NEK11: variants seen among roughly 807,000 people sequenced by gnomAD.
NEK11 encodes serine/threonine-protein kinase Nek11.
NEK11 carries 72 observed loss-of-function variants against 80.7 expected under a neutral mutation model. That is an observed-to-expected ratio of 0.89 (90% CI 0.74 to 1.08). The LOEUF is 1.08. Among genes scored for constraint, NEK11 ranks in the 50% least tolerant of loss-of-function variants. The probability of loss-of-function intolerance (pLI) is 0.00; values close to 1 mark genes in which losing one functional copy is unlikely to be tolerated. For missense variants in NEK11, 764 were observed against 763.6 expected, an observed-to-expected ratio of 1.00 and a Z score of -0.01; for synonymous variants, 251 against 260.7, an observed-to-expected ratio of 0.96 and a Z score of 0.36.
intron 16 of NEK11, among the ~76,000 whole-genome samples, chr3:131,249,142 T>C (rs367980299): frequency 5.1e-4 from 77 of 151,112 alleles, no homozygotes; most frequent in African/African-American, 1.7e-3. Context: ...AAAGAGAACA[T>C]AAGAGGAGAT....
At chr3:131,083,916 G>T (rs1241028478) in intron 4 of NEK11, among the ~76,000 whole-genome samples, 5 of 152,200 alleles carry the variant, frequency 3.3e-5, no homozygotes, top group African/African-American at 4.8e-5. Context: ...GGAAGGAAAT[G>T]GAACTACTGC....
chr3:131,266,804 C>A (rs2096067640), intron 16 of NEK11, among the ~76,000 whole-genome samples: 1 of 150,882 alleles, frequency 6.6e-6, no homozygotes, highest in African/African-American at 2.4e-5. Context: ...AAGTCTCTCA[C>A]TATTATTGTG....
intron 17 of NEK11, among the ~76,000 whole-genome samples, chr3:131,348,121 C>T (rs1257665050): frequency 1.3e-5 from 2 of 151,982 alleles, no homozygotes; most frequent in Non-Finnish European, 2.9e-5. Flanking sequence ...GTGCAGAAAC[C>T]ATAAGTACAC....
intron 15 of NEK11, among the ~76,000 whole-genome samples, chr3:131,230,702 T>TA (rs2095312493): frequency 6.6e-6 from 1 of 152,182 alleles, no homozygotes; most frequent in South Asian, 2.1e-4. Context: ...GTTGTATATC[T>TA]ATCACATGTT....
chr3:131,176,008 G>C (rs150647041), intron 14 of NEK11, among the ~76,000 whole-genome samples: 1 of 152,302 alleles, frequency 6.6e-6, no homozygotes, highest in East Asian at 1.9e-4. Flanking sequence ...TCCACAAGGA[G>C]TGTTAACAAA....
At chr3:131,046,412 T>C (rs1029073992) in intron 3 of NEK11, among the ~76,000 whole-genome samples, 2 of 152,180 alleles carry the variant, frequency 1.3e-5, no homozygotes, top group Non-Finnish European at 2.9e-5. Context: ...ATTATTTTCT[T>C]TTAGGAGGCT....
At chr3:131,269,169 C>T (rs574865733) in intron 16 of NEK11, among the ~76,000 whole-genome samples, 70 of 152,338 alleles carry the variant, frequency 4.6e-4, no homozygotes, top group Middle Eastern at 6.8e-3. Flanking sequence ...GCTGGCAGTG[C>T]AAATTTCAAG....
intron 14 of NEK11, among the ~76,000 whole-genome samples, chr3:131,223,604 T>C (rs908870471): frequency 5.3e-5 from 8 of 152,258 alleles, no homozygotes; most frequent in Non-Finnish European, 8.8e-5. Context: ...ATTTATGTAT[T>C]GTCTGTTTTC....
At chr3:131,241,343 A>T (rs1003505992) in intron 15 of NEK11, among the ~76,000 whole-genome samples, 3 of 152,174 alleles carry the variant, frequency 2.0e-5, no homozygotes, top group South Asian at 2.1e-4. Context: ...AAAACAAAAT[A>T]AAATGAAAGC....
intron 14 of NEK11, among the ~76,000 whole-genome samples, chr3:131,192,463 G>T (rs1015777804): frequency 2.0e-5 from 3 of 152,090 alleles, no homozygotes; most frequent in African/African-American, 7.2e-5. Flanking sequence ...TGAAAGCAGG[G>T]TCTCAAAGAG....
intron 14 of NEK11, among the ~76,000 whole-genome samples, chr3:131,205,466 G>T (rs2094416313): frequency 6.6e-6 from 1 of 152,146 alleles, no homozygotes; most frequent in African/African-American, 2.4e-5. Flanking sequence ...GTTGCTATCA[G>T]GTTGTTCATA....
chr3:131,140,690 T>C (rs1377237501), intron 7 of NEK11, among the ~76,000 whole-genome samples: 1 of 152,168 alleles, frequency 6.6e-6, no homozygotes, highest in Non-Finnish European at 1.5e-5. Context: ...AAAGGCTCAA[T>C]AAATTGCTTA....
intron 17 of NEK11, among the ~76,000 whole-genome samples, chr3:131,282,070 T>C (rs758598423): frequency 5.3e-5 from 8 of 152,132 alleles, no homozygotes; most frequent in Non-Finnish European, 8.8e-5. Context: ...AGTCAAATGG[T>C]GTTGCTTGCA....
intron 17 of NEK11, among the ~76,000 whole-genome samples, chr3:131,337,612 T>C (rs2097208293): frequency 6.9e-6 from 1 of 144,218 alleles, no homozygotes; most frequent in African/African-American, 2.9e-5. Context: ...ACTTAAAGTA[T>C]AATAATAATA....
chr3:131,054,505 A>G (rs1355349809), intron 3 of NEK11: 1 of 152,226 alleles, frequency 6.6e-6, no homozygotes, highest in Non-Finnish European at 1.5e-5. Flanking sequence ...CTGCAATCCC[A>G]ACATTTTGGG....
chr3:131,176,723 C>T (rs577282932), intron 14 of NEK11, among the ~76,000 whole-genome samples: 15 of 152,198 alleles, frequency 9.9e-5, no homozygotes, highest in East Asian at 1.9e-4. Flanking sequence ...CCTAAGCAAA[C>T]GTAATATAAA....
chr3:131,041,271 G>A (rs1181707591), intron 3 of NEK11, among the ~76,000 whole-genome samples: 2 of 152,192 alleles, frequency 1.3e-5, no homozygotes, highest in Admixed American at 6.5e-5. Context: ...ACAGATGTGA[G>A]TTGCAAGGCA....
At chr3:131,086,475 A>C (rs2075992520) in intron 4 of NEK11, among the ~76,000 whole-genome samples, 1 of 152,156 alleles carries the variant, frequency 6.6e-6, no homozygotes, top group African/African-American at 2.4e-5. Flanking sequence ...TGGATTTTAA[A>C]ATATTATATG....
At chr3:131,254,751 G>A (rs1199262747) in intron 16 of NEK11, among the ~76,000 whole-genome samples, 1 of 152,122 alleles carries the variant, frequency 6.6e-6, no homozygotes, top group African/African-American at 2.4e-5. Flanking sequence ...TGGGCACAGT[G>A]GCTCACATCT....
Sources: allele counts gnomAD v4.1 joint callset (sites outside exome capture counted in the v4.1 genomes callset), GRCh38; gene constraint gnomAD v4.1.1; transcripts MANE v1.5; gene names NCBI Gene and HGNC (gene_info 2026-07-23, HGNC 2026-07-21).